Variants in PRKCQ observed in about 807,000 individuals in gnomAD.
The protein encoded by PRKCQ is protein kinase C theta type.
In PRKCQ, 41 loss-of-function variants were observed where a neutral mutation model predicts 91.2. That is an observed-to-expected ratio of 0.45 (90% CI 0.35 to 0.58). The LOEUF (loss-of-function observed/expected upper bound fraction) is 0.58. PRKCQ is among the 20% of genes least tolerant of loss of function. The pLI, the probability that PRKCQ is intolerant of heterozygous loss-of-function variation, is 0.00. For missense variants in PRKCQ, 673 were observed against 896.5 expected (o/e 0.75, Z 3.18); for synonymous variants, 307 against 316.9 (o/e 0.97, Z 0.33).
At chr10:6,463,004 CAAA>C (rs57879218) in intron 13 of PRKCQ, among the ~76,000 whole-genome samples, 24 of 127,080 alleles carry the variant, frequency 1.9e-4, no homozygotes, top group African/African-American at 3.0e-4. Context: ...GACTCTGACT[CAAA>C]AAAAAAAAAA....
chr10:6,546,623 G>A (rs932357747), intron 1 of PRKCQ, among the ~76,000 whole-genome samples: 8 of 152,186 alleles, frequency 5.3e-5, no homozygotes, highest in African/African-American at 1.9e-4. Context: ...AGCTTAAGGA[G>A]ATTTTGGGCT....
At chr10:6,534,793 G>GATATATAT (rs755054607) in intron 1 of PRKCQ, among the ~76,000 whole-genome samples, 3 of 91,576 alleles carry the variant, frequency 3.3e-5, no homozygotes, top group African/African-American at 9.9e-5. Context: ...TATATATATA[G>GATATATAT]ATATATATAT....
At chr10:6,535,753 C>T (rs565243415) in intron 1 of PRKCQ, among the ~76,000 whole-genome samples, 77 of 152,250 alleles carry the variant, frequency 5.1e-4, no homozygotes, top group African/African-American at 1.7e-3. Flanking sequence ...CCTCTTTAGA[C>T]GCACCTGAGA....
intron 2 of PRKCQ, among the ~76,000 whole-genome samples, chr10:6,511,847 G>T (rs1352652950): frequency 6.6e-6 from 1 of 152,056 alleles, no homozygotes; most frequent in Non-Finnish European, 1.5e-5. Context: ...AGATCAGAAG[G>T]GTCCATTTCT....
chr10:6,529,133 G>C (rs1475996316), intron 1 of PRKCQ, among the ~76,000 whole-genome samples: 1 of 152,194 alleles, frequency 6.6e-6, no homozygotes, highest in African/African-American at 2.4e-5. Flanking sequence ...GCCTTTAGAA[G>C]TGGCTGATTG....
intron 1 of PRKCQ, among the ~76,000 whole-genome samples, chr10:6,544,881 A>C (rs888664451): frequency 6.6e-6 from 1 of 151,984 alleles, no homozygotes; most frequent in African/African-American, 2.4e-5. Flanking sequence ...CGGCCTCCCA[A>C]AGTGCTGGGA....
intron 1 of PRKCQ, among the ~76,000 whole-genome samples, chr10:6,523,030 T>C (rs1176228304): frequency 6.7e-6 from 1 of 149,270 alleles, no homozygotes; most frequent in Non-Finnish European, 1.5e-5. Flanking sequence ...AGATGATAAC[T>C]AGTAAAAAAA....
chr10:6,520,284 T>TCA (rs1399403839), intron 1 of PRKCQ, among the ~76,000 whole-genome samples: 1 of 152,160 alleles, frequency 6.6e-6, no homozygotes, highest in Non-Finnish European at 1.5e-5. Context: ...CGCCCGGCCC[T>TCA]CACCCGCTGC....
chr10:6,428,454 G>A (rs192165785), intron 17 of PRKCQ, 92 bp from the exon 18 acceptor site: 39 of 1,403,252 alleles, frequency 2.8e-5, no homozygotes, highest in Admixed American at 5.8e-5. Flanking sequence ...CGTGATCTGC[G>A]TATGGCAAAG....
At chr10:6,443,346 A>G (rs1223807596) in intron 15 of PRKCQ, among the ~76,000 whole-genome samples, 2 of 152,234 alleles carry the variant, frequency 1.3e-5, no homozygotes, top group Non-Finnish European at 1.5e-5. Context: ...ACCAGTATGT[A>G]GAGGAGACAG....
At chr10:6,411,164 G>T in the PRKCQ span, among the ~76,000 whole-genome samples, 1 of 152,156 alleles carries the variant, frequency 6.6e-6, no homozygotes, top group South Asian at 2.1e-4. Context: ...TTCATAGAGG[G>T]ACTCAATTAT....
Position 6,430,805 on chromosome 10 carries a change from C to G in PRKCQ, c.1965+5G>C. The stretch of plus-strand genomic sequence containing the variant: ...ACACCAAGCGGCCCATGAGCGAGTC[C>G]TTACCACTTTCGGCCGGAACGGTGG... On this transcript the variant is annotated splice_donor_5th_base_variant and intron_variant, in intron 17 of 17. Coordinates refer to ENST00000263125, the MANE Select transcript of PRKCQ (RefSeq NM_006257.5). The surrounding 1 kb of genome is among the most constrained non-coding windows in gnomAD (Gnocchi z 4.7). The G allele has an allele frequency of 6.2e-7, 1 of 1,613,564 alleles. No individual in the cohort carries two copies. The highest frequency in any genetic ancestry group is 2.2e-5 in the East Asian group (1 of 44,870).
intron 12 of PRKCQ, among the ~76,000 whole-genome samples, chr10:6,468,977 T>C (rs1835828060): frequency 6.6e-6 from 1 of 152,232 alleles, no homozygotes; most frequent in Admixed American, 6.5e-5. Flanking sequence ...AGAATTCATA[T>C]AAAGTATTTA....
At chr10:6,530,553 G>A (rs1373633043) in intron 1 of PRKCQ, among the ~76,000 whole-genome samples, 3 of 152,218 alleles carry the variant, frequency 2.0e-5, no homozygotes, top group African/African-American at 7.2e-5. Context: ...TCACAGGGGG[G>A]GTTGTTGCAA....
rs539897399 is a variant in PRKCQ at position 6,553,557 on chromosome 10, A to C, written c.-10+26654T>G. 2.0e-5 allele frequency among the ~76,000 whole-genome samples: 3 copies of C among 151,998 alleles called. No homozygotes were observed. The East Asian group carries it at 5.8e-4, about 29-fold the overall frequency. On this transcript the variant is annotated intron_variant, in intron 1 of 17. Coordinates refer to ENST00000263125, the MANE Select transcript of PRKCQ (RefSeq NM_006257.5). ...AAGAAGAAGAAGAAAGAAATATGCT[A>C]TCCATCTTTTCTTCTATTGATGTTT...
chr10:6,428,502 A>G (rs1317211474), intron 17 of PRKCQ, 140 bp from the exon 18 acceptor site: 5 of 818,224 alleles, frequency 6.1e-6, no homozygotes, highest in Non-Finnish European at 9.8e-6. Flanking sequence ...GGCAATGCCT[A>G]CAGATGACCA....
At chr10:6,575,366 A>G (rs1311752435) in intron 1 of PRKCQ, among the ~76,000 whole-genome samples, 1 of 152,154 alleles carries the variant, frequency 6.6e-6, no homozygotes, top group Non-Finnish European at 1.5e-5. Context: ...TCTGTAACTA[A>G]TCTTCTAAAA....
At chr10:6,407,988 A>C in the PRKCQ span, among the ~76,000 whole-genome samples, 81 of 150,056 alleles carry the variant, frequency 5.4e-4, no homozygotes, top group Non-Finnish European at 9.9e-4. This position sits in a 1 kb window ranked among gnomAD's most constrained non-coding sequence, Gnocchi z 4.0. Context: ...ATTAACATTA[A>C]TGTTTAGTAG....
chr10:6,399,722 C>T, the PRKCQ span, among the ~76,000 whole-genome samples: 8 of 152,216 alleles, frequency 5.3e-5, no homozygotes, highest in East Asian at 1.3e-3. Flanking sequence ...TGGCCTTTCC[C>T]CCTAGAGTCG....
Sources: allele counts gnomAD v4.1 joint callset (sites outside exome capture counted in the v4.1 genomes callset), GRCh38; gene constraint gnomAD v4.1.1; non-coding constraint Gnocchi (gnomAD v3.1); transcripts MANE v1.5; gene names NCBI Gene and HGNC (gene_info 2026-07-23, HGNC 2026-07-21).